The following MAMDC2 variants were observed in gnomAD, a reference collection of about 807,000 sequenced individuals.
MAMDC2 encodes the protein MAM domain containing 2, also known as MAM domain-containing protein 2.
In MAMDC2, 57 loss-of-function variants were observed where a neutral mutation model predicts 89.8. That is an observed-to-expected ratio of 0.63 (90% CI 0.51 to 0.79). The LOEUF is 0.79. Ranked by LOEUF, MAMDC2 falls within the 30% of genes least tolerant of loss-of-function variation. The pLI is 0.00. For missense variants in MAMDC2, 800 were observed against 820.6 expected (o/e 0.97, Z 0.31); for synonymous variants, 313 against 293.4 (o/e 1.07, Z -0.68).
intron 2 of MAMDC2, among the ~76,000 whole-genome samples, chr9:70,097,052 GTCT>G (rs1380130062): frequency 6.6e-6 from 1 of 152,104 alleles, no homozygotes; most frequent in Non-Finnish European, 1.5e-5. Flanking sequence ...GTCCCATGTG[GTCT>G]TCTCCCAGGA....
intron 2 of MAMDC2, among the ~76,000 whole-genome samples, chr9:70,051,952 C>T (rs1826914945): frequency 6.6e-6 from 1 of 151,954 alleles, no homozygotes; most frequent in African/African-American, 2.4e-5. Context: ...GATATAGTTT[C>T]ACCTACAGAA....
At chr9:70,167,490 G>T (rs2032208652) in intron 9 of MAMDC2, among the ~76,000 whole-genome samples, 1 of 103,608 alleles carries the variant, frequency 9.7e-6, no homozygotes, top group Non-Finnish European at 2.0e-5. Context: ...TTGTAAGTTG[G>T]GTTTCAACTT....
chr9:70,218,273 T>C, intron 11 of MAMDC2, 64 bp from the exon 12 acceptor site: 3 of 1,531,012 alleles, frequency 2.0e-6, no homozygotes, highest in Non-Finnish European at 2.6e-6. Context: ...GAAAGAACAT[T>C]ATGAAAGGAG....
intron 2 of MAMDC2, among the ~76,000 whole-genome samples, chr9:70,084,221 G>C (rs892954447): frequency 4.6e-5 from 7 of 152,032 alleles, no homozygotes; most frequent in Non-Finnish European, 1.0e-4. Context: ...GTATCTGTTT[G>C]CAGGTCTGAC....
intron 11 of MAMDC2, chr9:70,217,086 T>C: frequency 2.0e-6 from 1 of 503,512 alleles, no homozygotes; most frequent in East Asian, 3.5e-5. Context: ...GCCAATAAAT[T>C]TAAAAATAGC....
chr9:70,145,902 C>G (rs941786110), intron 9 of MAMDC2, among the ~76,000 whole-genome samples: 2 of 152,080 alleles, frequency 1.3e-5, no homozygotes, highest in African/African-American at 4.8e-5. Context: ...AACTACCATG[C>G]AATGTCATGT....
At chr9:70,182,429 G>T (rs1406270538) in intron 11 of MAMDC2, among the ~76,000 whole-genome samples, 1 of 152,138 alleles carries the variant, frequency 6.6e-6, no homozygotes, top group Non-Finnish European at 1.5e-5. Flanking sequence ...CAGAAGGAAT[G>T]GTACCAGCTC....
rs373088389 is a variant in MAMDC2 at position 70,180,651 on chromosome 9, T to C, written c.1651+10020T>C. 1.9e-4 allele frequency among the ~76,000 whole-genome samples: 29 copies of C among 152,372 alleles called. 2 individuals are homozygous for C. Among genetic ancestry groups the C allele is most frequent in the African/African-American group, 6.7e-4 (28 of 41,590 alleles). On this transcript the variant is annotated intron_variant, in intron 11 of 13. Coordinates refer to ENST00000377182, the MANE Select transcript of MAMDC2 (RefSeq NM_153267.5). ...CTTTTTTTCATGTTTGTTGGCTGCA[T>C]AAACATCTTCTTTTGAGAAGTGTCT...
intron 2 of MAMDC2, among the ~76,000 whole-genome samples, chr9:70,097,475 T>C (rs1828059117): frequency 6.6e-6 from 1 of 152,198 alleles, no homozygotes; most frequent in Non-Finnish European, 1.5e-5. Flanking sequence ...ACCCTGTGTG[T>C]TGGGATAGCT....
At position 70,150,106 on chromosome 9, in the gene MAMDC2, C is replaced by T. The variant is rs147842307; in HGVS notation, c.1404+6287C>T. On this transcript the variant is annotated intron_variant, in intron 9 of 13. Transcript: ENST00000377182. Reference sequence around the variant, plus strand: ...GTAGTCCTCATGTGTACCCTGTAAGCCAGGAACCCCTGTCAAGGCTTCAGA... The same window carrying T: ...GTAGTCCTCATGTGTACCCTGTAAGTCAGGAACCCCTGTCAAGGCTTCAGA... Among the ~76,000 whole-genome samples, 5 of 152,292 alleles carry T rather than the reference C, an allele frequency of 3.3e-5. No individual in the cohort carries two copies. In the East Asian group the frequency reaches 5.8e-4, roughly 18 times the overall value.
chr9:70,134,138 A>T (rs960237961), intron 7 of MAMDC2, among the ~76,000 whole-genome samples: 1 of 152,034 alleles, frequency 6.6e-6, no homozygotes, highest in Non-Finnish European at 1.5e-5. Context: ...CATCTCCCTA[A>T]TAGGCTAAGA....
In MAMDC2 at chr9:70,208,307, T is replaced by C. The variant is rs555443326; in HGVS notation, c.1652-10030T>C. Among the ~76,000 whole-genome samples, 14 of 152,324 alleles carry C rather than the reference T, an allele frequency of 9.2e-5. No individual in the cohort carries two copies. The South Asian group carries it at 1.5e-3, about 16-fold the overall frequency. On this transcript the variant is annotated intron_variant, in intron 11 of 13. Coordinates refer to ENST00000377182, the MANE Select transcript of MAMDC2 (RefSeq NM_153267.5). The stretch of plus-strand genomic sequence containing the variant: ...TTTCTTTGTGTCCTCTTTTATTTCA[T>C]TGAGCAGTGGTTTGTAGTTCTCCTT...
chr9:70,052,837 C>A (rs1826942302), intron 2 of MAMDC2, among the ~76,000 whole-genome samples: 1 of 152,188 alleles, frequency 6.6e-6, no homozygotes. Context: ...GCTGTAATTT[C>A]CAAATATAAC....
chr9:70,116,516 T>C (rs2030001860), intron 5 of MAMDC2, among the ~76,000 whole-genome samples: 2 of 152,090 alleles, frequency 1.3e-5, no homozygotes, highest in African/African-American at 4.8e-5. Flanking sequence ...CATTGATGCA[T>C]CTGCAAATGA....
intron 9 of MAMDC2, chr9:70,154,027 C>G (rs1436278484): frequency 6.6e-6 from 1 of 152,154 alleles, no homozygotes; most frequent in Non-Finnish European, 1.5e-5. Flanking sequence ...TCCAGTTTAA[C>G]CTTGTTAAAG....
intron 11 of MAMDC2, among the ~76,000 whole-genome samples, chr9:70,176,070 C>A (rs2032491322): frequency 6.6e-6 from 1 of 152,178 alleles, no homozygotes; most frequent in East Asian, 1.9e-4. Context: ...GGATTTAGGG[C>A]AATGGGTTGA....
intron 11 of MAMDC2, among the ~76,000 whole-genome samples, chr9:70,197,333 T>C (rs939445122): frequency 1.3e-5 from 2 of 152,116 alleles, no homozygotes; most frequent in Non-Finnish European, 2.9e-5. Context: ...TTTCTGGGGA[T>C]TGATGAAGAA....
chr9:70,201,957 A>G (rs1194927659), intron 11 of MAMDC2, among the ~76,000 whole-genome samples: 1 of 149,422 alleles, frequency 6.7e-6, no homozygotes, highest in Admixed American at 6.7e-5. Context: ...TTTCTTTATT[A>G]GTCTTGCTAG....
At chr9:70,186,275 A>G (rs1563991674) in intron 11 of MAMDC2, among the ~76,000 whole-genome samples, 1 of 152,026 alleles carries the variant, frequency 6.6e-6, no homozygotes, top group African/African-American at 2.4e-5. Flanking sequence ...TTCTTTTGCT[A>G]GAATAATTTT....
Sources: allele counts gnomAD v4.1 joint callset (sites outside exome capture counted in the v4.1 genomes callset), GRCh38; gene constraint gnomAD v4.1.1; transcripts MANE v1.5; gene names NCBI Gene and HGNC (gene_info 2026-07-23, HGNC 2026-07-21).